The following PCDHA9 variants were observed in gnomAD, a reference collection of about 807,000 sequenced individuals.
The protein encoded by PCDHA9 is protocadherin alpha-9.
In PCDHA9, 62 loss-of-function variants were observed where a neutral mutation model predicts 62.0. The observed-to-expected ratio is 1.00, with a 90% CI of 0.81 to 1.23. The LOEUF (loss-of-function observed/expected upper bound fraction) is 1.23, where lower values mean the gene tolerates loss of function less well. Among genes scored for constraint, PCDHA9 ranks in the 50% most tolerant of loss-of-function variants. The pLI, the probability that PCDHA9 is intolerant of heterozygous loss-of-function variation, is 0.00. For missense variants in PCDHA9, 1,205 were observed against 1,249.8 expected, an observed-to-expected ratio of 0.96 and a Z score of 0.54; for synonymous variants, 557 against 567.6, an observed-to-expected ratio of 0.98 and a Z score of 0.27.
At chr5:140,874,144 T>A (rs1554167057) in intron 1 of PCDHA9, among the ~76,000 whole-genome samples, 1 of 152,244 alleles carries the variant, frequency 6.6e-6, no homozygotes, top group Non-Finnish European at 1.5e-5. Context: ...CTTATACTTG[T>A]AGAGCCATTC....
At chr5:140,906,416 T>A (rs2072639287) in intron 1 of PCDHA9, among the ~76,000 whole-genome samples, 1 of 152,190 alleles carries the variant, frequency 6.6e-6, no homozygotes, top group African/African-American at 2.4e-5. Flanking sequence ...AGTCAATAAA[T>A]CTTATGTCAC....
At chr5:140,985,138 C>T (rs972329850) in intron 3 of PCDHA9, among the ~76,000 whole-genome samples, 3 of 152,016 alleles carry the variant, frequency 2.0e-5, no homozygotes, top group Non-Finnish European at 2.9e-5. Flanking sequence ...GGGGTTTCAC[C>T]GTGTTAGCCA....
chr5:140,881,446 TC>T, intron 1 of PCDHA9: 1 of 787,056 alleles, frequency 1.3e-6, no homozygotes, highest in Non-Finnish European at 1.5e-6. Flanking sequence ...AAAAACAGAA[TC>T]CAAAACCTTA....
intron 1 of PCDHA9, chr5:140,868,284 G>A (rs1554161873): frequency 6.6e-6 from 1 of 152,004 alleles, no homozygotes; most frequent in Non-Finnish European, 1.5e-5. Flanking sequence ...TACCAAGTTT[G>A]AGAATATGAA....
At chr5:140,917,330 AG>A (rs1425400137) in intron 1 of PCDHA9, among the ~76,000 whole-genome samples, 1,705 of 103,254 alleles carry the variant, frequency 0.017, 125 homozygotes, top group African/African-American at 0.055. Context: ...GTGGCGGGGG[AG>A]GGGGGGGATG....
At chr5:140,925,690 G>GT (rs2082677818) in intron 1 of PCDHA9, among the ~76,000 whole-genome samples, 1 of 149,642 alleles carries the variant, frequency 6.7e-6, no homozygotes, top group African/African-American at 2.5e-5. Flanking sequence ...GCGAGGGTGG[G>GT]TATCTAGCCT....
chr5:140,933,503 AAAGACT>A (rs2089194435), intron 1 of PCDHA9, among the ~76,000 whole-genome samples: 1 of 152,098 alleles, frequency 6.6e-6, no homozygotes, highest in Non-Finnish European at 1.5e-5. Flanking sequence ...ATTGTTAAGC[AAAGACT>A]ACAGCTGTTT....
chr5:140,921,267 A>G (rs1371688460), intron 1 of PCDHA9, among the ~76,000 whole-genome samples: 2 of 152,168 alleles, frequency 1.3e-5, no homozygotes, highest in Non-Finnish European at 2.9e-5. Flanking sequence ...AGACTTTTAT[A>G]CTTACTTGAA....
intron 1 of PCDHA9, among the ~76,000 whole-genome samples, chr5:140,926,207 C>A (rs1259453811): frequency 6.6e-6 from 1 of 152,074 alleles, no homozygotes; most frequent in Non-Finnish European, 1.5e-5. Flanking sequence ...TCGGGGGGCT[C>A]CTGTTTCCTT....
chr5:140,928,216 A>T, intron 1 of PCDHA9: 1 of 1,614,188 alleles, frequency 6.2e-7, no homozygotes, highest in Non-Finnish European at 8.5e-7. Context: ...GAATGACAAT[A>T]CACCAAACTT....
At chr5:141,007,459 T>A (rs1323177537) in intron 3 of PCDHA9, among the ~76,000 whole-genome samples, 1 of 149,426 alleles carries the variant, frequency 6.7e-6, no homozygotes, top group Non-Finnish European at 1.5e-5. Context: ...TCCCAGCTAC[T>A]CAGGAGGCTG....
chr5:140,923,644 C>G (rs1554201552), intron 1 of PCDHA9, among the ~76,000 whole-genome samples: 1 of 152,204 alleles, frequency 6.6e-6, no homozygotes. Flanking sequence ...AAATCTTTAG[C>G]CTCCCTTATC....
intron 1 of PCDHA9, chr5:140,876,161 T>C (rs1582262337): frequency 6.2e-7 from 1 of 1,613,960 alleles, no homozygotes; most frequent in Non-Finnish European, 8.5e-7. Flanking sequence ...CAGATTCAAA[T>C]AACCGTCCTG....
intron 1 of PCDHA9, among the ~76,000 whole-genome samples, chr5:140,969,836 T>C (rs1349045341): frequency 6.6e-6 from 1 of 152,224 alleles, no homozygotes; most frequent in Non-Finnish European, 1.5e-5. Flanking sequence ...ACAGTGGAAA[T>C]TATCTAGTTA....
At chr5:140,961,479 C>G (rs2095615905) in intron 1 of PCDHA9, among the ~76,000 whole-genome samples, 1 of 152,108 alleles carries the variant, frequency 6.6e-6, no homozygotes, top group Non-Finnish European at 1.5e-5. Context: ...TTTGTCTTGT[C>G]CACGTGAGTA....
At chr5:140,967,749 C>T (rs1554229896) in intron 1 of PCDHA9, 1 of 1,614,172 alleles carries the variant, frequency 6.2e-7, no homozygotes, top group African/African-American at 1.3e-5. Context: ...TATGAGGAAG[C>T]CTCCTCCTAC....
At position 140,849,491 on chromosome 5, in the gene PCDHA9, T is replaced by C. The variant is rs1554142975; in HGVS notation, c.996T>C (p.Gly332=). 6.3e-7 allele frequency: 1 copy of C among 1,592,292 alleles called. No individual in the cohort carries two copies. The highest frequency in any genetic ancestry group is 1.4e-5 in the African/African-American group (1 of 73,080). ...ATAAAGGCTTCCCACCCCTGGCTGG[T>C]CATTGTACACTTCTTGTGGAAGTTG... ...AVDKGFPPLA[G]HCTLLVEVVD... Residue 332 remains glycine (G), a synonymous_variant, in exon 1 of 4, where the codon GGT becomes GGC. Transcript: ENST00000532602.
intron 1 of PCDHA9, among the ~76,000 whole-genome samples, chr5:140,889,404 G>A (rs565254911): frequency 2.0e-5 from 3 of 151,972 alleles, no homozygotes; most frequent in South Asian, 2.1e-4. Context: ...TAATTTACTC[G>A]AGTCAGTTAC....
rs2150490621 is a variant in PCDHA9 at position 140,850,594 on chromosome 5, T to C, written c.2099T>C (p.Leu700Pro). The C allele has an allele frequency of 2.5e-6, 4 of 1,598,338 alleles. No individual in the cohort carries two copies. In the East Asian group the frequency reaches 8.9e-5, roughly 36 times the overall value. The stretch of plus-strand genomic sequence containing the variant: ...ACGCTGGTGGATGTCAACGTGTACC[T>C]GATCATCGCCATCTGCGCGGTGTCT... ...EVTLVDVNVY[L>P]IIAICAVSSL... The change falls in exon 1 of 4, where the codon CTG becomes CCG. Residue 700 changes from leucine (L) to proline (P), a missense_variant. Around this residue, in one of 3 missense-constraint regions of PCDHA9, gnomAD observed 887 missense variants for 809.5 expected, o/e 1.10. Coordinates refer to ENST00000532602, the MANE Select transcript of PCDHA9 (RefSeq NM_031857.2).
Sources: allele counts gnomAD v4.1 joint callset (sites outside exome capture counted in the v4.1 genomes callset), GRCh38; gene constraint gnomAD v4.1.1; regional missense constraint gnomAD v4.1.1; transcripts MANE v1.5; gene names NCBI Gene and HGNC (gene_info 2026-07-23, HGNC 2026-07-21).